KALRN: variants seen among roughly 807,000 people sequenced by gnomAD.
KALRN encodes the protein kalirin.
KALRN carries 70 observed loss-of-function variants against 353.7 expected under a neutral mutation model. That is an observed-to-expected ratio of 0.20 (90% CI 0.16 to 0.24). The LOEUF is 0.24. Among genes scored for constraint, KALRN ranks in the 10% least tolerant of loss-of-function variants. The probability of loss-of-function intolerance (pLI) is 1.00; values close to 1 mark genes in which losing one functional copy is unlikely to be tolerated. For missense variants in KALRN, 2,791 were observed against 3,756.7 expected (o/e 0.74, Z 6.72); for synonymous variants, 1,391 against 1,434.8 (o/e 0.97, Z 0.69).
rs1412222592 is a variant in KALRN, at chr3:124,395,252, G to A, written c.2080G>A (p.Asp694Asn). 3.7e-6 allele frequency: 6 copies of A among 1,613,258 alleles called. No homozygotes were observed. The highest frequency in any genetic ancestry group is 4.2e-6 in the Non-Finnish European group (5 of 1,179,908). The change falls in exon 12 of 60, where the codon GAT (aspartate) becomes AAT (asparagine). Residue 694 changes from aspartate (D) to asparagine (N), a missense_variant. Physicochemically the swap from Asp to Asn is conservative, Grantham distance 23 (BLOSUM62 1). This residue lies in a region of KALRN where 452 missense variants were observed against 575.8 expected (regional missense o/e 0.78). Coordinates refer to ENST00000682506, the MANE Select transcript of KALRN (RefSeq NM_001388419.1). Reference protein sequence around the residue: ...QFQQQQTATLDATLNVIKEGE... With the variant: ...QFQQQQTATLNATLNVIKEGE... ...CCAGCAGCAGCAGACCGCCACTCTA[G>A]ATGCCACACTCAATGTCATCAAGGA...
rs10673161 is a variant in KALRN at position 124,646,391 on chromosome 3, C to CTTTTTTTTTTTTTTTTTTTTTTTTTT, written c.5665-4400_5665-4399insTTTTTTTTTTTTTTTTTTTTTTTTTT. On this transcript the variant is annotated intron_variant, in intron 37 of 59. Transcript: ENST00000682506. The stretch of plus-strand genomic sequence containing the variant: ...GACTGCTAGAGGGATCTTTTGTTTA[C>CTTTTTTTTTTTTTTTTTTTTTTTTTT]TTTTTTTTTTTTTTTTTGAGACAGA... Among the ~76,000 whole-genome samples the CTTTTTTTTTTTTTTTTTTTTTTTTTT allele has an allele frequency of 8.8e-4, 97 of 110,416 alleles. 6 individuals carry two copies. The highest frequency in any genetic ancestry group is 1.4e-3 in the East Asian group (4 of 2,876). 72.4% of individuals were successfully genotyped at this position (110,416 alleles called of 152,430 possible).
chr3:124,045,821 A>G (rs560327144), intron 1 of KALRN, among the ~76,000 whole-genome samples: 156 of 152,124 alleles, frequency 1.0e-3, no homozygotes, highest in Non-Finnish European at 1.5e-3. Flanking sequence ...AGAGGAATGC[A>G]CACTAATGTA....
intron 11 of KALRN, among the ~76,000 whole-genome samples, chr3:124,386,508 A>G (rs192642909): frequency 6.6e-6 from 1 of 152,210 alleles, no homozygotes; most frequent in Non-Finnish European, 1.5e-5. Flanking sequence ...TACATCTCCC[A>G]CCTGCTATAC....
At chr3:124,545,283 C>G (rs536511644) in intron 33 of KALRN, among the ~76,000 whole-genome samples, 1 of 152,156 alleles carries the variant, frequency 6.6e-6, no homozygotes, top group Non-Finnish European at 1.5e-5. Flanking sequence ...ATTGAGGTCT[C>G]TTATGTTCTT....
At chr3:124,291,045 G>A (rs1448482488) in intron 5 of KALRN, among the ~76,000 whole-genome samples, 1 of 152,162 alleles carries the variant, frequency 6.6e-6, no homozygotes, top group Non-Finnish European at 1.5e-5. Flanking sequence ...GCCATCTTGG[G>A]TACTGATCTA....
At chr3:124,555,927 G>A (rs531811051) in intron 33 of KALRN, among the ~76,000 whole-genome samples, 11 of 152,232 alleles carry the variant, frequency 7.2e-5, no homozygotes, top group African/African-American at 2.6e-4. Flanking sequence ...AGAAAATTCA[G>A]TAGCACTGTG....
chr3:124,623,574 A>G (rs944378408), intron 34 of KALRN, among the ~76,000 whole-genome samples: 2 of 152,110 alleles, frequency 1.3e-5, no homozygotes, highest in Non-Finnish European at 2.9e-5. Context: ...CACTGGAGAA[A>G]GATGTAAGCT....
At chr3:124,488,409 G>A (rs944407178) in intron 29 of KALRN, 94 bp downstream of exon 29, 4 of 831,978 alleles carry the variant, frequency 4.8e-6, no homozygotes. Context: ...GTTAGACAAG[G>A]TGCAAGGCTG....
intron 22 of KALRN, among the ~76,000 whole-genome samples, chr3:124,455,622 A>G (rs2059235163): frequency 6.6e-6 from 1 of 152,184 alleles, no homozygotes; most frequent in Non-Finnish European, 1.5e-5. Flanking sequence ...TACAGAACAG[A>G]GTTTTTCTCT....
intron 1 of KALRN, among the ~76,000 whole-genome samples, chr3:124,040,332 G>T (rs898160836): frequency 1.3e-5 from 2 of 152,324 alleles, no homozygotes; most frequent in East Asian, 3.9e-4. Flanking sequence ...GTATTTGATA[G>T]TTTACTGCTG....
At chr3:124,366,078 A>C (rs1445410669) in intron 10 of KALRN, among the ~76,000 whole-genome samples, 1 of 152,220 alleles carries the variant, frequency 6.6e-6, no homozygotes, top group Non-Finnish European at 1.5e-5. Context: ...TCATACCAAC[A>C]TCATGTTTCT....
At chr3:124,424,392 T>C (rs1313996109) in intron 15 of KALRN, among the ~76,000 whole-genome samples, 2 of 152,174 alleles carry the variant, frequency 1.3e-5, no homozygotes, top group Admixed American at 1.3e-4. Flanking sequence ...TCTTATTTTG[T>C]TTAATTGATG....
intron 51 of KALRN, among the ~76,000 whole-genome samples, chr3:124,682,856 C>A (rs138903666): frequency 6.6e-6 from 1 of 152,250 alleles, no homozygotes; most frequent in Non-Finnish European, 1.5e-5. Context: ...CCTTCCCCTG[C>A]TTGTGAATGT....
intron 5 of KALRN, among the ~76,000 whole-genome samples, chr3:124,288,071 C>T (rs896238163): frequency 4.6e-5 from 7 of 151,898 alleles, no homozygotes; most frequent in African/African-American, 1.2e-4. Context: ...GATGGGGTTT[C>T]GCCTTGTTGG....
rs1246279413 is a variant in KALRN at position 124,033,656 on chromosome 3, G to GCGCCCTC, written c.-79_-73dup. On this transcript the variant is annotated 5_prime_UTR_variant, in exon 1 of 60. Coordinates refer to ENST00000682506, the MANE Select transcript of KALRN (RefSeq NM_001388419.1). This position sits in a 1 kb window ranked among gnomAD's most constrained non-coding sequence, Gnocchi z 6.2. Reference sequence around the variant, plus strand: ...TCTGCGGCCGCAGCAGCTGCGCCCCGCGCCCTCCGCCCACCGGGCGCCGAG... The same window carrying GCGCCCTC: ...TCTGCGGCCGCAGCAGCTGCGCCCCGCGCCCTCCGCCCTCCGCCCACCGGGCGCCGAG... Among the ~76,000 whole-genome samples the GCGCCCTC allele has an allele frequency of 6.6e-6, 1 of 151,668 alleles. No homozygotes were observed. Among genetic ancestry groups the GCGCCCTC allele is most frequent in the African/African-American group, 2.4e-5 (1 of 41,368 alleles).
At chr3:124,218,492 T>C (rs2077563440) in intron 1 of KALRN, among the ~76,000 whole-genome samples, 2 of 152,168 alleles carry the variant, frequency 1.3e-5, no homozygotes, top group African/African-American at 4.8e-5. Flanking sequence ...ATGTTCTCTG[T>C]TACTTTGAGG....
chr3:124,089,308 G>C lies in KALRN; in HGVS notation c.73+55495G>C, dbSNP rs565962906. On this transcript the variant is annotated intron_variant, in intron 1 of 59. Coordinates refer to ENST00000682506, the MANE Select transcript of KALRN (RefSeq NM_001388419.1). ...GGGCATGGGATGGAGAGAGCAGGTA[G>C]AGGTTCACAGGAGGGCTCTGCCTGG... 3.9e-5 allele frequency among the ~76,000 whole-genome samples: 6 copies of C among 152,280 alleles called. No individual in the cohort carries two copies. In the South Asian group the frequency reaches 1.2e-3, roughly 32 times the overall value.
intron 33 of KALRN, among the ~76,000 whole-genome samples, chr3:124,523,771 C>A (rs191162146): frequency 6.6e-6 from 1 of 152,322 alleles, no homozygotes; most frequent in African/African-American, 2.4e-5. Flanking sequence ...TTCTCCATGT[C>A]TGCACTGTCT....
intron 1 of KALRN, among the ~76,000 whole-genome samples, chr3:124,173,584 G>A (rs1385236617): frequency 6.6e-6 from 1 of 152,156 alleles, no homozygotes; most frequent in Non-Finnish European, 1.5e-5. Flanking sequence ...AGAAGGGGGA[G>A]TGAGAGGAAA....
Sources: gnomAD v4.1 joint callset for allele counts (sites outside exome capture counted in the v4.1 genomes callset) on GRCh38, gnomAD v4.1.1 for gene constraint, gnomAD v4.1.1 regional missense constraint, Gnocchi (gnomAD v3.1) non-coding constraint, MANE v1.5 for transcripts, NCBI Gene and HGNC (gene_info 2026-07-23, HGNC 2026-07-21) for gene names.